Variants in GPC6 observed in about 807,000 individuals in gnomAD.
GPC6 encodes glypican 6.
Under a neutral mutation model 55.2 loss-of-function variants are expected in GPC6, and 14 were observed. The ratio of observed to expected loss-of-function variants is 0.25; its 90% CI spans 0.17 to 0.40. The LOEUF is 0.40. Among genes scored for constraint, GPC6 ranks in the 10% least tolerant of loss-of-function variants. GPC6 has a pLI of 1.00. For missense variants in GPC6, 641 were observed against 708.5 expected (o/e 0.90, Z 1.08); for synonymous variants, 278 against 259.6 (o/e 1.07, Z -0.68).
At chr13:93,944,066 C>G (rs1878867424) in intron 3 of GPC6, among the ~76,000 whole-genome samples, 2 of 152,144 alleles carry the variant, frequency 1.3e-5, no homozygotes, top group South Asian at 2.1e-4. Context: ...AATAGCCAGG[C>G]AGTACAGTGG....
chr13:94,043,444 T>G (rs567479281), intron 4 of GPC6, among the ~76,000 whole-genome samples: 81 of 152,016 alleles, frequency 5.3e-4, no homozygotes, highest in African/African-American at 1.9e-3. Flanking sequence ...ATACCTATCA[T>G]TCACCTGATC....
At chr13:93,948,048 TAAG>T (rs368101765) in intron 3 of GPC6, among the ~76,000 whole-genome samples, 23 of 152,174 alleles carry the variant, frequency 1.5e-4, no homozygotes, top group African/African-American at 5.3e-4. Context: ...CTTCCAATAA[TAAG>T]AATATATTTC....
intron 3 of GPC6, among the ~76,000 whole-genome samples, chr13:93,938,903 A>C (rs1594603880): frequency 6.6e-6 from 1 of 152,124 alleles, no homozygotes. Context: ...AGAGATGGAG[A>C]CCATCCGGGC....
chr13:93,786,597 C>A (rs1484791288), intron 2 of GPC6, among the ~76,000 whole-genome samples: 2 of 150,998 alleles, frequency 1.3e-5, no homozygotes, highest in Non-Finnish European at 1.5e-5. Flanking sequence ...AAAAAAAAAC[C>A]ATTTTTGTGA....
chr13:93,803,745 T>C (rs1886453683), intron 2 of GPC6, among the ~76,000 whole-genome samples: 1 of 152,158 alleles, frequency 6.6e-6, no homozygotes, highest in Non-Finnish European at 1.5e-5. Context: ...GGAATATTAT[T>C]TAGTCATAAA....
intron 2 of GPC6, among the ~76,000 whole-genome samples, chr13:93,568,162 T>C (rs1031890268): frequency 6.6e-6 from 1 of 152,166 alleles, no homozygotes; most frequent in Admixed American, 6.5e-5. Context: ...ATTCAGATAC[T>C]CCCTCCAAAG....
chr13:94,045,995 G>A (rs1272051663), intron 4 of GPC6, among the ~76,000 whole-genome samples: 26 of 151,928 alleles, frequency 1.7e-4, no homozygotes, highest in Admixed American at 1.6e-3. Flanking sequence ...CAGAGAGTTC[G>A]AGTAAGTGGC....
intron 4 of GPC6, among the ~76,000 whole-genome samples, chr13:94,086,306 G>C (rs915455413): frequency 6.6e-6 from 1 of 152,142 alleles, no homozygotes; most frequent in Non-Finnish European, 1.5e-5. Flanking sequence ...TCAAGTAAGA[G>C]TGAAATGGGT....
At chr13:93,257,387 C>A (rs144092099) in intron 1 of GPC6, among the ~76,000 whole-genome samples, 65 of 152,312 alleles carry the variant, frequency 4.3e-4, no homozygotes, top group African/African-American at 1.3e-3. Flanking sequence ...AAAATAGTCT[C>A]TTCTCTTTTC....
chr13:93,514,763 G>A (rs1486393542), intron 1 of GPC6, among the ~76,000 whole-genome samples: 1 of 152,140 alleles, frequency 6.6e-6, no homozygotes, highest in African/African-American at 2.4e-5. Flanking sequence ...TCAGAGAAGG[G>A]AATGAGTTAG....
At chr13:93,905,376 G>A (rs561652137) in intron 3 of GPC6, among the ~76,000 whole-genome samples, 1 of 152,212 alleles carries the variant, frequency 6.6e-6, no homozygotes, top group East Asian at 1.9e-4. Context: ...TAACCTATAT[G>A]AGGCACTCAA....
chr13:93,705,404 T>TA (rs1380892715), intron 2 of GPC6, among the ~76,000 whole-genome samples: 2 of 151,972 alleles, frequency 1.3e-5, no homozygotes, highest in African/African-American at 4.8e-5. Flanking sequence ...ACTTACAATT[T>TA]AAAATGCCCT....
intron 4 of GPC6, among the ~76,000 whole-genome samples, chr13:94,061,850 A>G (rs542677467): frequency 1.4e-4 from 22 of 152,144 alleles, no homozygotes; most frequent in South Asian, 4.2e-4. Context: ...AAGGTCTACT[A>G]CAAGAAACCT....
chr13:93,800,317 A>T (rs1040641162), intron 2 of GPC6, among the ~76,000 whole-genome samples: 21 of 152,216 alleles, frequency 1.4e-4, no homozygotes, highest in African/African-American at 5.1e-4. Flanking sequence ...ACCAGAGCTT[A>T]TTCATAATGG....
chr13:94,099,752 C>G (rs1229732322), intron 4 of GPC6, among the ~76,000 whole-genome samples: 1 of 151,948 alleles, frequency 6.6e-6, no homozygotes, highest in Non-Finnish European at 1.5e-5. Context: ...TTAGAACAAA[C>G]CATTTTGCTT....
intron 4 of GPC6, among the ~76,000 whole-genome samples, chr13:94,146,364 C>G (rs1281275690): frequency 6.6e-6 from 1 of 152,100 alleles, no homozygotes; most frequent in Non-Finnish European, 1.5e-5. Flanking sequence ...AATTTACTAT[C>G]TAGGACAGTC....
intron 7 of GPC6, among the ~76,000 whole-genome samples, chr13:94,393,240 T>A (rs2389096): frequency 6.6e-6 from 1 of 152,002 alleles, no homozygotes; most frequent in East Asian, 1.9e-4. Context: ...TTACATCGTA[T>A]CTCCAGTGGG....
In GPC6 at chr13:94,028,469, T is replaced by C. The variant is rs144167421; in HGVS notation, c.877+575T>C. On this transcript the variant is annotated intron_variant, in intron 4 of 8. Coordinates refer to ENST00000377047, the MANE Select transcript of GPC6 (RefSeq NM_005708.5). ...CAAAAGTAATCTTGTTGAAGTTCCATGCACTCCCGTGAGAAAGGACGCTTT... is the reference window on the plus strand; with the variant it reads ...CAAAAGTAATCTTGTTGAAGTTCCACGCACTCCCGTGAGAAAGGACGCTTT... Among the ~76,000 whole-genome samples, 270 of 151,328 alleles carry C rather than the reference T, an allele frequency of 1.8e-3. 1 individual carries two copies. Among genetic ancestry groups the C allele is most frequent in the African/African-American group, 6.3e-3 (257 of 41,068 alleles).
intron 1 of GPC6, among the ~76,000 whole-genome samples, chr13:93,430,343 G>C (rs1208637761): frequency 6.6e-6 from 1 of 152,064 alleles, no homozygotes; most frequent in Non-Finnish European, 1.5e-5. Context: ...GCATTAGCAT[G>C]ATATTAGTTT....
Sources: allele counts gnomAD v4.1 joint callset (sites outside exome capture counted in the v4.1 genomes callset), GRCh38; gene constraint gnomAD v4.1.1; transcripts MANE v1.5; gene names NCBI Gene and HGNC (gene_info 2026-07-23, HGNC 2026-07-21).